MTSS1: variants seen among roughly 807,000 people sequenced by gnomAD.
The protein encoded by MTSS1 is protein MTSS 1.
In MTSS1, 18 loss-of-function variants were observed where a neutral mutation model predicts 79.0. The ratio of observed to expected loss-of-function variants is 0.23; its 90% CI spans 0.16 to 0.34. The LOEUF (loss-of-function observed/expected upper bound fraction) is 0.34, where lower values mean the gene tolerates loss of function less well. Among genes scored for constraint, MTSS1 ranks in the 10% least tolerant of loss-of-function variants. The pLI is 1.00. For synonymous variants in MTSS1, 341 were observed against 368.6 expected (o/e 0.93, Z 0.86); for missense variants, 815 against 986.2 (o/e 0.83, Z 2.33).
In MTSS1 at chr8:124,618,406, G is replaced by A. The variant is rs144078672; in HGVS notation, c.209-27171C>T. Among the ~76,000 whole-genome samples, 795 of 152,310 alleles carry A rather than the reference G, an allele frequency of 5.2e-3. 7 individuals are homozygous for A. Among genetic ancestry groups the A allele is most frequent in the Non-Finnish European group, 7.6e-3 (519 of 68,020 alleles). ...GCCAAGAGTAAGCAACTGTTGCATC[G>A]TTCCACATGATCACAAGACAGATTC... On this transcript the variant is annotated intron_variant, in intron 3 of 13. Coordinates refer to ENST00000518547, the MANE Select transcript of MTSS1 (RefSeq NM_014751.6).
intron 3 of MTSS1, among the ~76,000 whole-genome samples, chr8:124,662,656 GC>G (rs1322243801): frequency 1.3e-5 from 2 of 149,892 alleles, no homozygotes; most frequent in Non-Finnish European, 2.9e-5. Context: ...ACATTGAAGA[GC>G]CCCTGCTCTA....
chr8:124,558,969 C>T (rs1824659120), intron 10 of MTSS1: 1 of 1,211,072 alleles, frequency 8.3e-7, no homozygotes, highest in Non-Finnish European at 1.1e-6. Flanking sequence ...GACATATACA[C>T]AGAAGAGGGG....
intron 3 of MTSS1, among the ~76,000 whole-genome samples, chr8:124,687,049 G>A (rs74575844): frequency 0.059 from 9,009 of 152,192 alleles, 355 homozygotes; most frequent in Non-Finnish European, 0.08. Context: ...AACAGCAGAG[G>A]ACCCACAGTC....
At position 124,599,354 on chromosome 8, in the gene MTSS1, G is replaced by A. The variant is rs182249865; in HGVS notation, c.209-8119C>T. ...CAAAAATTAGCCAGCACGGTGGTGG[G>A]TGCCTGTAATCCCGGCTACTCAGGA... is the stretch of plus-strand genomic sequence containing the variant. On this transcript the variant is annotated intron_variant, in intron 3 of 13. Transcript: ENST00000518547. Among the ~76,000 whole-genome samples the A allele has an allele frequency of 2.4e-3, 361 of 152,020 alleles. 2 individuals are homozygous for A. The highest frequency in any genetic ancestry group is 8.4e-3 in the African/African-American group (348 of 41,454).
chr8:124,580,303 C>T (rs1829799099), intron 6 of MTSS1: 5 of 473,380 alleles, frequency 1.1e-5, no homozygotes, highest in Admixed American at 1.0e-4. Flanking sequence ...TATTGAATTA[C>T]GATGATTCAA....
At chr8:124,706,173 A>T (rs532432840) in intron 1 of MTSS1, among the ~76,000 whole-genome samples, 1 of 152,236 alleles carries the variant, frequency 6.6e-6, no homozygotes, top group Admixed American at 6.5e-5. Flanking sequence ...GTCTATTTAT[A>T]TACTTCCCTA....
chr8:124,580,084 T>C (rs1395691881), intron 6 of MTSS1: 1 of 153,942 alleles, frequency 6.5e-6, no homozygotes, highest in African/African-American at 2.4e-5. Context: ...AAGAACTATA[T>C]GGTCTTGCAG....
At chr8:124,694,048 T>C (rs1828388965) in intron 3 of MTSS1, among the ~76,000 whole-genome samples, 1 of 152,202 alleles carries the variant, frequency 6.6e-6, no homozygotes, top group African/African-American at 2.4e-5. Flanking sequence ...AAGCTAGTTG[T>C]TATTCTAACT....
At chr8:124,574,616 C>A (rs1326758097) in intron 6 of MTSS1, among the ~76,000 whole-genome samples, 1 of 152,200 alleles carries the variant, frequency 6.6e-6, no homozygotes, top group Non-Finnish European at 1.5e-5. Context: ...TTCGTATTAT[C>A]TGTACTGGCC....
chr8:124,613,256 C>A (rs553748248), intron 3 of MTSS1, among the ~76,000 whole-genome samples: 123 of 152,338 alleles, frequency 8.1e-4, no homozygotes, highest in African/African-American at 2.8e-3. Context: ...CCTTGGGTGA[C>A]ATCTACTCTG....
At chr8:124,687,977 C>T (rs1827254745) in intron 3 of MTSS1, among the ~76,000 whole-genome samples, 2 of 152,120 alleles carry the variant, frequency 1.3e-5, no homozygotes, top group South Asian at 2.1e-4. Context: ...CGCTCAAATG[C>T]GGCTCTAAAG....
At chr8:124,716,005 T>C (rs16899963) in intron 1 of MTSS1, among the ~76,000 whole-genome samples, 1,582 of 152,352 alleles carry the variant, frequency 0.01, 33 homozygotes, top group African/African-American at 0.037. Context: ...TCTGCTTTGA[T>C]GACTCAATGT....
At chr8:124,713,909 G>A (rs756947856) in intron 1 of MTSS1, among the ~76,000 whole-genome samples, 10 of 151,742 alleles carry the variant, frequency 6.6e-5, no homozygotes, top group Non-Finnish European at 1.0e-4. Context: ...TACCACACCC[G>A]ACTAATTTTT....
At position 124,558,051 on chromosome 8, in the gene MTSS1, C is replaced by T. The variant is rs74514108; in HGVS notation, c.1036-176G>A. 0.02 allele frequency: 11,225 copies of T among 567,548 alleles called. 164 individuals carry two copies. Among genetic ancestry groups the T allele is most frequent in the Non-Finnish European group, 0.024 (7,964 of 327,902 alleles). The allele number at this position is 567,548 out of a possible 1,614,324, so 35.2% of individuals were successfully genotyped here. A position where few individuals can be genotyped will look rare whatever the true frequency, so the allele number is the denominator to read the frequency against. On this transcript the variant is annotated intron_variant, in intron 10 of 13. Transcript: ENST00000518547. The stretch of plus-strand genomic sequence containing the variant: ...GATCTGTGATGCAAGAGAAAAGAGC[C>T]GGGGTGCAAAGAATGCACATGAGTT...
chr8:124,558,934 G>C, intron 10 of MTSS1: 1 of 1,391,928 alleles, frequency 7.2e-7, no homozygotes, highest in African/African-American at 1.4e-5. Flanking sequence ...GAGTGGGGAA[G>C]GGCACACACA....
intron 3 of MTSS1, among the ~76,000 whole-genome samples, chr8:124,615,245 G>C (rs1000150842): frequency 2.0e-5 from 3 of 152,160 alleles, no homozygotes; most frequent in Admixed American, 6.5e-5. Context: ...ATGCTGGGGG[G>C]TAGGCAGAGC....
chr8:124,586,582 C>T (rs1458106018), intron 5 of MTSS1, among the ~76,000 whole-genome samples: 3 of 152,204 alleles, frequency 2.0e-5, no homozygotes, highest in Admixed American at 2.0e-4. Context: ...CATGTCTGAG[C>T]ATCTTGGGCT....
At chr8:124,677,563 T>A (rs1388670249) in intron 3 of MTSS1, among the ~76,000 whole-genome samples, 1 of 152,244 alleles carries the variant, frequency 6.6e-6, no homozygotes, top group Non-Finnish European at 1.5e-5. Flanking sequence ...CCCAACTCTT[T>A]AATAGTCATT....
chr8:124,703,224 T>C (rs991859973), intron 2 of MTSS1, among the ~76,000 whole-genome samples: 1 of 152,222 alleles, frequency 6.6e-6, no homozygotes, highest in Non-Finnish European at 1.5e-5. Flanking sequence ...TCTAAAGATA[T>C]GCTTTTGCTA....
Sources: gnomAD v4.1 joint callset for allele counts (sites outside exome capture counted in the v4.1 genomes callset) on GRCh38, gnomAD v4.1.1 for gene constraint, MANE v1.5 for transcripts, NCBI Gene and HGNC (gene_info 2026-07-23, HGNC 2026-07-21) for gene names.